PDK1: variants seen among roughly 807,000 people sequenced by gnomAD.
PDK1 encodes the protein pyruvate dehydrogenase kinase 1.
In PDK1, 39 loss-of-function variants were observed where a neutral mutation model predicts 54.2. The observed-to-expected ratio is 0.72, with a 90% CI of 0.56 to 0.94. The LOEUF (loss-of-function observed/expected upper bound fraction) is 0.94, where lower values mean the gene tolerates loss of function less well. Ranked by LOEUF, PDK1 falls within the 40% of genes least tolerant of loss-of-function variation. The pLI, the probability that PDK1 is intolerant of heterozygous loss-of-function variation, is 0.00. For synonymous variants in PDK1, 221 were observed against 207.1 expected, an observed-to-expected ratio of 1.07 and a Z score of -0.58; for missense variants, 552 against 566.0, an observed-to-expected ratio of 0.98 and a Z score of 0.25.
At chr2:172,568,668 T>C (rs1011369237) in intron 6 of PDK1, 73 bp from the exon 7 acceptor site, 2 of 910,294 alleles carry the variant, frequency 2.2e-6, no homozygotes, top group Middle Eastern at 2.1e-4. Context: ...TTTTCATCAC[T>C]ACACAGTTTA....
chr2:172,587,146 C>T lies in PDK1; in HGVS notation c.1056+758C>T, dbSNP rs147818868. Among the ~76,000 whole-genome samples the T allele has an allele frequency of 5.9e-5, 9 of 152,198 alleles. No homozygotes were observed. In the East Asian group the frequency reaches 1.7e-3, roughly 29 times the overall value. On this transcript the variant is annotated intron_variant, in intron 9 of 10. Transcript: ENST00000282077. ...GACTTTATTCTGATAGTTTTGTGTC[C>T]GGAATTGGTGGGTTTTTGGTCTTGC... is the stretch of plus-strand genomic sequence containing the variant.
At chr2:172,577,651 A>C (rs1248169505) in intron 8 of PDK1, among the ~76,000 whole-genome samples, 1 of 152,120 alleles carries the variant, frequency 6.6e-6, no homozygotes, top group Non-Finnish European at 1.5e-5. Flanking sequence ...CTTAATTTAT[A>C]ATCTAGTTCA....
At chr2:172,589,976 C>T (rs57893658) in intron 9 of PDK1, among the ~76,000 whole-genome samples, 2,851 of 152,148 alleles carry the variant, frequency 0.019, 86 homozygotes, top group African/African-American at 0.065. Flanking sequence ...GAGGCAGAGA[C>T]CTGATCTTAC....
At chr2:172,655,728 G>A in the PDK1 span, among the ~76,000 whole-genome samples, 2 of 152,204 alleles carry the variant, frequency 1.3e-5, no homozygotes, top group East Asian at 1.9e-4. Flanking sequence ...CCAAGTGGGC[G>A]TGTGTTACAG....
Position 172,556,245 on chromosome 2 carries a change from C to G in PDK1, c.95C>G (p.Ser32Trp). The change falls in exon 1 of 11, where the codon TCG becomes TGG. Residue 32 changes from serine to tryptophan, a missense_variant. Physicochemically the swap from Ser to Trp is radical, Grantham distance 177 (BLOSUM62 -3). Transcript: ENST00000282077. The part of the protein sequence containing the change: ...AGFSRSFSSD[S>W]GSSPASERGV... Reference sequence around the variant, plus strand: ...TTCAGCCGCAGCTTCAGCTCGGACTCGGGCTCCAGCCCGGCGTCCGAGCGC... The same window carrying G: ...TTCAGCCGCAGCTTCAGCTCGGACTGGGGCTCCAGCCCGGCGTCCGAGCGC... 8 of 1,468,294 alleles carry G rather than the reference C, an allele frequency of 5.4e-6. No individual in the cohort carries two copies. Among genetic ancestry groups the G allele is most frequent in the Middle Eastern group, 2.0e-4 (1 of 5,020 alleles). 91.0% of individuals were successfully genotyped at this position (1,468,294 alleles called of 1,614,324 possible). A position where few individuals can be genotyped will look rare whatever the true frequency, so the allele number is the denominator to read the frequency against.
At chr2:172,621,145 G>A in the PDK1 span, among the ~76,000 whole-genome samples, 798 of 152,226 alleles carry the variant, frequency 5.2e-3, 10 homozygotes, top group African/African-American at 0.018. Context: ...CTGGGCATGC[G>A]TGGTGGTTAA....
Position 172,564,746 on chromosome 2 carries a change from A to C in PDK1, c.595+59A>C, listed in dbSNP as rs761603005. 9.0e-6 allele frequency: 13 copies of C among 1,443,526 alleles called. No homozygotes were observed. In the East Asian group the frequency reaches 9.1e-5, roughly 10 times the overall value. The allele number at this position is 1,443,526 out of a possible 1,614,324, so 89.4% of individuals were successfully genotyped here. A position where few individuals can be genotyped will look rare whatever the true frequency, so the allele number is the denominator to read the frequency against. On this transcript the variant is annotated intron_variant, in intron 4 of 10. Transcript: ENST00000282077. Reference sequence around the variant, plus strand: ...AAATGAGATGTGTTGGCATATTTTAAATTTATTTAGGAAAGTTCCATTTAG... The same window carrying C: ...AAATGAGATGTGTTGGCATATTTTACATTTATTTAGGAAAGTTCCATTTAG...
chr2:172,687,928 G>C, the PDK1 span, among the ~76,000 whole-genome samples: 2 of 152,174 alleles, frequency 1.3e-5, no homozygotes, highest in African/African-American at 2.4e-5. Flanking sequence ...CAGTTCAGTG[G>C]AAGCCTTACC....
chr2:172,663,905 A>G, the PDK1 span, among the ~76,000 whole-genome samples: 1 of 151,894 alleles, frequency 6.6e-6, no homozygotes, highest in African/African-American at 2.4e-5. Flanking sequence ...AAGTTCTGCA[A>G]CATTCCAACT....
intron 10 of PDK1, 86 bp from the exon 11 acceptor site, chr2:172,595,743 G>A (rs966136469): frequency 3.9e-5 from 42 of 1,078,204 alleles, no homozygotes; most frequent in South Asian, 1.3e-4. Context: ...TTAATTTGTC[G>A]TAACCTTTTT....
At chr2:172,667,686 T>C in the PDK1 span, among the ~76,000 whole-genome samples, 39 of 152,334 alleles carry the variant, frequency 2.6e-4, no homozygotes, top group African/African-American at 8.4e-4. Flanking sequence ...AGATATAAGC[T>C]AATTCATAAG....
chr2:172,702,246 G>T, the PDK1 span, among the ~76,000 whole-genome samples: 1 of 152,146 alleles, frequency 6.6e-6, no homozygotes, highest in Non-Finnish European at 1.5e-5. Flanking sequence ...GGAGGCCGAA[G>T]CGGGCAGATT....
At chr2:172,657,195 T>C in the PDK1 span, among the ~76,000 whole-genome samples, 70 of 152,048 alleles carry the variant, frequency 4.6e-4, 1 homozygote, top group South Asian at 3.3e-3. Context: ...TATTATTTAT[T>C]ATTATTGTTA....
chr2:172,635,570 C>T, the PDK1 span, among the ~76,000 whole-genome samples: 1 of 152,214 alleles, frequency 6.6e-6, no homozygotes, highest in Non-Finnish European at 1.5e-5. Flanking sequence ...CCTTCCTTGG[C>T]CTCCCAAAGT....
At chr2:172,584,925 C>T (rs994588501) in intron 8 of PDK1, among the ~76,000 whole-genome samples, 1 of 151,686 alleles carries the variant, frequency 6.6e-6, no homozygotes, top group African/African-American at 2.4e-5. Flanking sequence ...CTGTTATGGC[C>T]TCCCAAAGTG....
At chr2:172,658,712 G>A in the PDK1 span, among the ~76,000 whole-genome samples, 3 of 152,264 alleles carry the variant, frequency 2.0e-5, no homozygotes, top group African/African-American at 7.2e-5. Context: ...TGGCCGCTCT[G>A]AGAGTATCTG....
chr2:172,567,203 TAGAA>T (rs1388344068), intron 6 of PDK1, among the ~76,000 whole-genome samples: 2 of 152,230 alleles, frequency 1.3e-5, no homozygotes, highest in East Asian at 1.9e-4. Context: ...TGTTTAGTCA[TAGAA>T]AGAAAATGAT....
intron 2 of PDK1, 125 bp downstream of exon 2, chr2:172,558,974 A>T: frequency 1.0e-6 from 1 of 1,002,822 alleles, no homozygotes; most frequent in Non-Finnish European, 1.4e-6. Context: ...TTTGAGACGG[A>T]GTCTTGCTCT....
intron 1 of PDK1, among the ~76,000 whole-genome samples, 155 bp from the exon 2 acceptor site, chr2:172,558,553 G>T (rs530290519): frequency 1.3e-5 from 2 of 152,340 alleles, no homozygotes; most frequent in South Asian, 4.1e-4. Context: ...GCCTCCCACA[G>T]GCAGGTGTAT....
Sources: gnomAD v4.1 joint callset for allele counts (sites outside exome capture counted in the v4.1 genomes callset) on GRCh38, gnomAD v4.1.1 for gene constraint, MANE v1.5 for transcripts, NCBI Gene and HGNC (gene_info 2026-07-23, HGNC 2026-07-21) for gene names.